Variants in KATNIP observed in about 807,000 individuals in gnomAD.
The protein encoded by KATNIP is katanin interacting protein, also known as katanin-interacting protein.
KATNIP carries 126 observed loss-of-function variants against 174.0 expected under a neutral mutation model. The observed-to-expected ratio is 0.72, with a 90% confidence interval of 0.63 to 0.84. The LOEUF (loss-of-function observed/expected upper bound fraction) is 0.84. Ranked by LOEUF, KATNIP falls within the 40% of genes least tolerant of loss-of-function variation. The pLI is 0.00. For missense variants in KATNIP, 1,958 were observed against 2,109.7 expected (o/e 0.93, Z 1.41); for synonymous variants, 810 against 835.7 (o/e 0.97, Z 0.53).
At chr16:27,615,778 T>G (rs2076020963) in intron 2 of KATNIP, among the ~76,000 whole-genome samples, 1 of 152,174 alleles carries the variant, frequency 6.6e-6, no homozygotes, top group African/African-American at 2.4e-5. Flanking sequence ...TGGAAAAGGA[T>G]GGAGAGAAGA....
intron 1 of KATNIP, among the ~76,000 whole-genome samples, chr16:27,561,530 C>A (rs974104826): frequency 6.6e-6 from 1 of 152,152 alleles, no homozygotes; most frequent in Non-Finnish European, 1.5e-5. Flanking sequence ...CTACCTTGAC[C>A]ACCCTTAGCA....
Position 27,677,985 on chromosome 16 carries a change from C to G in KATNIP, c.797C>G (p.Pro266Arg), listed in dbSNP as rs764293148. 9.3e-6 allele frequency: 15 copies of G among 1,613,772 alleles called. No homozygotes were observed. The highest frequency in any genetic ancestry group is 1.1e-5 in the South Asian group (1 of 91,056). The change falls in exon 7 of 28, where the codon CCA (proline) becomes CGA (arginine). Residue 266 changes from proline (P) to arginine (R), a missense_variant. By Grantham distance (103) the Pro-to-Arg change is moderately radical (BLOSUM62 -2). This residue lies in a region of KATNIP where 1,557 missense variants were observed against 1,617.8 expected (regional missense o/e 0.96). Transcript: ENST00000261588. Reference sequence around the variant, plus strand: ...ACCCTCGTGGTGCTGGAATTTAACCCAGCTTCCAAAAGTGAGCTCTGTCTT... The same window carrying G: ...ACCCTCGTGGTGCTGGAATTTAACCGAGCTTCCAAAAGTGAGCTCTGTCTT... ...PDTLVVLEFN[P>R]ASKSHKRERN...
At chr16:27,749,450 C>T (rs756031497) in intron 15 of KATNIP, 134 bp from the exon 16 acceptor site, 17 of 1,058,250 alleles carry the variant, frequency 1.6e-5, no homozygotes, top group South Asian at 7.5e-5. Flanking sequence ...GGAACAACCC[C>T]GCTGGTTTCT....
chr16:27,609,877 A>G (rs963933647), intron 2 of KATNIP, among the ~76,000 whole-genome samples: 3 of 152,062 alleles, frequency 2.0e-5, no homozygotes, highest in Non-Finnish European at 4.4e-5. Context: ...TTTTTAGTAG[A>G]GATGAGGTTT....
At chr16:27,731,072 C>T (rs941365388) in intron 14 of KATNIP, among the ~76,000 whole-genome samples, 1 of 152,196 alleles carries the variant, frequency 6.6e-6, no homozygotes, top group Non-Finnish European at 1.5e-5. Flanking sequence ...GTGAACTCTT[C>T]AAGGCGAGGA....
At chr16:27,574,374 G>C (rs970069057) in intron 2 of KATNIP, 50 of 208,238 alleles carry the variant, frequency 2.4e-4, no homozygotes, top group Non-Finnish European at 4.4e-4. Context: ...TTGAGTGTCA[G>C]GGTGCCTCAG....
intron 15 of KATNIP, among the ~76,000 whole-genome samples, chr16:27,745,728 CA>C (rs1327464087): frequency 6.6e-6 from 1 of 152,190 alleles, no homozygotes; most frequent in Non-Finnish European, 1.5e-5. Context: ...ATTTTGATAG[CA>C]CCATCTCATC....
chr16:27,667,437 G>A (rs2077724845), intron 6 of KATNIP, among the ~76,000 whole-genome samples: 1 of 152,172 alleles, frequency 6.6e-6, no homozygotes, highest in African/African-American at 2.4e-5. Flanking sequence ...ATATGAATGT[G>A]TAAAATGCCT....
At chr16:27,686,716 CCTGT>C (rs1436123895) in intron 8 of KATNIP, among the ~76,000 whole-genome samples, 4 of 151,964 alleles carry the variant, frequency 2.6e-5, no homozygotes, top group Admixed American at 2.0e-4. Context: ...TCTCTTTTTT[CCTGT>C]CTATTAGCTT....
chr16:27,594,862 G>T (rs943821737), intron 2 of KATNIP, among the ~76,000 whole-genome samples: 1 of 152,134 alleles, frequency 6.6e-6, no homozygotes, highest in Non-Finnish European at 1.5e-5. Flanking sequence ...TGCTGTGATG[G>T]GTCTGTAAGA....
At chr16:27,597,595 C>G (rs969499029) in intron 2 of KATNIP, among the ~76,000 whole-genome samples, 1 of 151,936 alleles carries the variant, frequency 6.6e-6, no homozygotes, top group Non-Finnish European at 1.5e-5. Flanking sequence ...TTCAGCTGTT[C>G]TCCAGCCGGA....
At chr16:27,675,819 C>T (rs905719293) in intron 6 of KATNIP, among the ~76,000 whole-genome samples, 1 of 152,184 alleles carries the variant, frequency 6.6e-6, no homozygotes, top group African/African-American at 2.4e-5. Context: ...AGGGACTCCT[C>T]TGCAAATCTT....
chr16:27,631,756 T>C (rs1364969190), intron 5 of KATNIP, among the ~76,000 whole-genome samples: 3 of 152,086 alleles, frequency 2.0e-5, no homozygotes, highest in Admixed American at 6.5e-5. Context: ...TATTTTTTTA[T>C]TGAGTACCCA....
intron 16 of KATNIP, among the ~76,000 whole-genome samples, chr16:27,750,661 T>C (rs897763022): frequency 2.0e-5 from 3 of 149,418 alleles, no homozygotes; most frequent in African/African-American, 4.9e-5. Flanking sequence ...CTCGATCTCC[T>C]GACCTCATGA....
At chr16:27,652,251 G>A (rs1178409934) in intron 6 of KATNIP, among the ~76,000 whole-genome samples, 1 of 152,208 alleles carries the variant, frequency 6.6e-6, no homozygotes, top group Non-Finnish European at 1.5e-5. Context: ...TTTATATGGA[G>A]GGTGCAGGGG....
intron 13 of KATNIP, 21 bp from the exon 14 acceptor site, chr16:27,721,537 C>T (rs1199287042): frequency 1.3e-5 from 21 of 1,613,992 alleles, no homozygotes; most frequent in Admixed American, 3.3e-5. Flanking sequence ...TAATGATTTC[C>T]TTCTCTTGCT....
intron 1 of KATNIP, among the ~76,000 whole-genome samples, chr16:27,568,251 G>A (rs1268587917): frequency 2.6e-5 from 4 of 152,052 alleles, no homozygotes; most frequent in South Asian, 4.2e-4. Context: ...TACATTGTGC[G>A]GATTCATCAT....
chr16:27,550,373 A>T (rs2089296193), intron 1 of KATNIP, among the ~76,000 whole-genome samples, 196 bp downstream of exon 1: 1 of 152,066 alleles, frequency 6.6e-6, no homozygotes, highest in Non-Finnish European at 1.5e-5. Context: ...CAGTGCTGTG[A>T]CCATTCTGCT....
intron 18 of KATNIP, among the ~76,000 whole-genome samples, chr16:27,759,622 C>T (rs2081876910): frequency 6.6e-6 from 1 of 152,218 alleles, no homozygotes; most frequent in African/African-American, 2.4e-5. Context: ...GACATCTTCA[C>T]CCACCCGTCT....
Sources: allele counts gnomAD v4.1 joint callset (sites outside exome capture counted in the v4.1 genomes callset), GRCh38; gene constraint gnomAD v4.1.1; regional missense constraint gnomAD v4.1.1; transcripts MANE v1.5; gene names NCBI Gene and HGNC (gene_info 2026-07-23, HGNC 2026-07-21).